The following KIF16B variants were observed in gnomAD, a reference collection of about 807,000 sequenced individuals.
KIF16B encodes kinesin-like protein KIF16B.
In KIF16B, 98 loss-of-function variants were observed where a neutral mutation model predicts 156.3. The ratio of observed to expected loss-of-function variants is 0.63; its 90% CI spans 0.53 to 0.74. The LOEUF is 0.74. Among genes scored for constraint, KIF16B ranks in the 30% least tolerant of loss-of-function variants. The probability of loss-of-function intolerance (pLI) is 0.00; values close to 1 mark genes in which losing one functional copy is unlikely to be tolerated. For missense variants in KIF16B, 1,421 were observed against 1,606.5 expected, an observed-to-expected ratio of 0.88 and a Z score of 1.97; for synonymous variants, 564 against 583.7, an observed-to-expected ratio of 0.97 and a Z score of 0.49.
At chr20:16,419,767 A>C (rs1016961876) in intron 15 of KIF16B, among the ~76,000 whole-genome samples, 8 of 152,180 alleles carry the variant, frequency 5.3e-5, no homozygotes, top group Non-Finnish European at 1.0e-4. Context: ...AATTAAAATA[A>C]GAGAGAATAG....
chr20:16,508,158 C>T (rs1282972876), intron 6 of KIF16B, 58 bp from the exon 7 acceptor site: 1 of 1,566,560 alleles, frequency 6.4e-7, no homozygotes, highest in Non-Finnish European at 8.7e-7. Context: ...AAATGGAATA[C>T]AAAATTACCC....
intron 24 of KIF16B, among the ~76,000 whole-genome samples, chr20:16,318,548 G>A (rs1281394410): frequency 2.6e-5 from 4 of 152,098 alleles, no homozygotes; most frequent in Non-Finnish European, 2.9e-5. Flanking sequence ...AACACAAGAC[G>A]CGGTGTCTCA....
chr20:16,488,761 C>T (rs923173264), intron 12 of KIF16B, among the ~76,000 whole-genome samples: 1 of 152,166 alleles, frequency 6.6e-6, no homozygotes, highest in Admixed American at 6.5e-5. Flanking sequence ...ACACTAACTT[C>T]CCAGTTCCAA....
rs6135726 is a variant in KIF16B, at chr20:16,291,042, A to G, written c.3796-17631T>C. Among the ~76,000 whole-genome samples, 175 of 152,374 alleles carry G rather than the reference A, an allele frequency of 1.1e-3. 3 individuals are homozygous for G. In the East Asian group the frequency reaches 0.027, roughly 23 times the overall value. Reference sequence around the variant, plus strand: ...AAGAAACCAAAAGTATATACATTGAATACATGTACATCCAGCACAGTACTT... The same window carrying G: ...AAGAAACCAAAAGTATATACATTGAGTACATGTACATCCAGCACAGTACTT... On this transcript the variant is annotated intron_variant, in intron 25 of 25. Coordinates refer to ENST00000354981, the MANE Select transcript of KIF16B (RefSeq NM_024704.5).
chr20:16,570,003 T>C (rs1398341241), intron 1 of KIF16B, among the ~76,000 whole-genome samples: 4 of 152,026 alleles, frequency 2.6e-5, no homozygotes, highest in African/African-American at 9.7e-5. Flanking sequence ...TGTACATTTG[T>C]TAGCACACAC....
At chr20:16,336,292 C>T (rs2122961468) in intron 23 of KIF16B, among the ~76,000 whole-genome samples, 1 of 152,190 alleles carries the variant, frequency 6.6e-6, no homozygotes, top group South Asian at 2.1e-4. Flanking sequence ...AAAAGTGTCC[C>T]TTTTTATAGA....
At chr20:16,425,331 A>T (rs1055034450) in intron 15 of KIF16B, among the ~76,000 whole-genome samples, 1 of 152,138 alleles carries the variant, frequency 6.6e-6, no homozygotes, top group Non-Finnish European at 1.5e-5. Context: ...ACAGACCAAA[A>T]CCTAGTAAAT....
intron 15 of KIF16B, among the ~76,000 whole-genome samples, chr20:16,413,835 A>G (rs1471185352): frequency 6.6e-6 from 1 of 151,910 alleles, no homozygotes; most frequent in Non-Finnish European, 1.5e-5. Context: ...TGGAGAAACC[A>G]AACTCTGTCA....
At chr20:16,566,568 T>C (rs1465448072) in intron 1 of KIF16B, among the ~76,000 whole-genome samples, 1 of 152,220 alleles carries the variant, frequency 6.6e-6, no homozygotes, top group Non-Finnish European at 1.5e-5. Context: ...CTGTACGAAA[T>C]GCTACCTCAT....
intron 25 of KIF16B, among the ~76,000 whole-genome samples, chr20:16,274,684 G>A (rs2063034413): frequency 6.6e-6 from 1 of 152,348 alleles, no homozygotes; most frequent in Middle Eastern, 3.4e-3. Context: ...ACAAGAGGCA[G>A]TTCTGCCCCA....
chr20:16,386,358 G>T (rs1165942622), intron 17 of KIF16B, among the ~76,000 whole-genome samples: 1 of 151,962 alleles, frequency 6.6e-6, no homozygotes, highest in Admixed American at 6.6e-5. Context: ...AATAACCCAG[G>T]AATGCCAAGT....
chr20:16,465,913 G>A (rs889619578), intron 12 of KIF16B, among the ~76,000 whole-genome samples: 5 of 152,156 alleles, frequency 3.3e-5, no homozygotes, highest in East Asian at 3.9e-4. Context: ...TCCATATCCC[G>A]TGTCTCAGAC....
rs182129629 is a variant in KIF16B, at chr20:16,447,273, A to C, written c.1303-17291T>G. Among the ~76,000 whole-genome samples, 265 of 152,020 alleles carry C rather than the reference A, an allele frequency of 1.7e-3. 1 individual carries two copies. Among genetic ancestry groups the C allele is most frequent in the African/African-American group, 5.9e-3 (246 of 41,382 alleles). The stretch of plus-strand genomic sequence containing the variant: ...CCAAGGAACTAGACAATTGCAGCTA[A>C]GTAATAAATCAGACTCATTCTGATG... On this transcript the variant is annotated intron_variant, in intron 12 of 25. Coordinates refer to ENST00000354981, the MANE Select transcript of KIF16B (RefSeq NM_024704.5).
chr20:16,434,022 T>C (rs1336014976), intron 12 of KIF16B, among the ~76,000 whole-genome samples: 3 of 152,126 alleles, frequency 2.0e-5, no homozygotes, highest in Non-Finnish European at 4.4e-5. Context: ...GCATATATTT[T>C]ACATTGAAAC....
intron 24 of KIF16B, among the ~76,000 whole-genome samples, chr20:16,330,389 C>T (rs2063927016): frequency 6.6e-6 from 1 of 152,202 alleles, no homozygotes; most frequent in East Asian, 1.9e-4. Flanking sequence ...CTTAAACTTT[C>T]TCACTAGGGT....
intron 12 of KIF16B, among the ~76,000 whole-genome samples, chr20:16,477,032 C>A (rs923082694): frequency 1.3e-5 from 2 of 152,150 alleles, no homozygotes; most frequent in Admixed American, 6.5e-5. Flanking sequence ...CAGGCGTGAG[C>A]CACTGCGCCG....
At chr20:16,521,421 A>C (rs1048625666) in intron 3 of KIF16B, among the ~76,000 whole-genome samples, 1 of 151,912 alleles carries the variant, frequency 6.6e-6, no homozygotes, top group African/African-American at 2.4e-5. Flanking sequence ...AGGATATCAG[A>C]GATTGAAGAA....
Position 16,379,124 on chromosome 20 carries a change from G to C in KIF16B, c.2878C>G (p.Gln960Glu). 6.2e-7 allele frequency: 1 copy of C among 1,614,196 alleles called. No individual in the cohort carries two copies. The highest frequency in any genetic ancestry group is 8.5e-7 in the Non-Finnish European group (1 of 1,180,024). ...TTTTGCAGCTGGTTTGCATTGGCCT[G>C]GTACTGTGCAAGCTGTTCTTCTTTT... ...EEKEEQLAQY[Q>E]ANANQLQKLQ... The change falls in exon 19 of 26, where the codon CAG becomes GAG. Residue 960 changes from glutamine to glutamate, a missense_variant. By Grantham distance (29) the Gln-to-Glu change is conservative. Transcript: ENST00000354981.
chr20:16,401,202 A>G (rs749963408), intron 17 of KIF16B, among the ~76,000 whole-genome samples: 1 of 152,222 alleles, frequency 6.6e-6, no homozygotes, highest in South Asian at 2.1e-4. Flanking sequence ...GCATAATGGT[A>G]GCGTCAGATG....
Sources: gnomAD v4.1 joint callset for allele counts (sites outside exome capture counted in the v4.1 genomes callset) on GRCh38, gnomAD v4.1.1 for gene constraint, MANE v1.5 for transcripts, NCBI Gene and HGNC (gene_info 2026-07-23, HGNC 2026-07-21) for gene names.